Variants in GAB2 observed in about 807,000 individuals in gnomAD.
GAB2 encodes the protein GRB2-associated-binding protein 2.
A neutral mutation model predicts 65.5 loss-of-function variants in GAB2; 26 were observed. The observed-to-expected ratio is 0.40, with a 90% confidence interval of 0.29 to 0.55. GAB2 has a LOEUF of 0.55. Among genes scored for constraint, GAB2 ranks in the 20% least tolerant of loss-of-function variants. The pLI is 0.53. For missense variants in GAB2, 884 were observed against 875.8 expected (o/e 1.01, Z -0.12); for synonymous variants, 321 against 329.6 (o/e 0.97, Z 0.28).
chr11:78,315,607 G>A (rs1291600857), intron 1 of GAB2, among the ~76,000 whole-genome samples: 2 of 152,166 alleles, frequency 1.3e-5, no homozygotes, highest in African/African-American at 4.8e-5. Flanking sequence ...CAATGGATTT[G>A]ACAATGTTTT....
chr11:78,293,207 A>C lies in GAB2; in HGVS notation c.76-12306T>G, dbSNP rs368968929. On this transcript the variant is annotated intron_variant, in intron 1 of 9. Coordinates refer to ENST00000361507, the MANE Select transcript of GAB2 (RefSeq NM_080491.3). The stretch of plus-strand genomic sequence containing the variant: ...AGTTAACTGTATTTGTTCTGGACTC[A>C]TTCATCTGAGAAAGGGCAGATAAGT... 1.5e-4 allele frequency among the ~76,000 whole-genome samples: 23 copies of C among 152,362 alleles called. No individual in the cohort carries two copies. In the East Asian group the frequency reaches 4.0e-3, roughly 27 times the overall value.
chr11:78,292,545 C>G (rs1866710212), intron 1 of GAB2, among the ~76,000 whole-genome samples: 1 of 152,336 alleles, frequency 6.6e-6, no homozygotes, highest in East Asian at 1.9e-4. Flanking sequence ...ACAGGGGAAT[C>G]TGATCTCACT....
intron 1 of GAB2, among the ~76,000 whole-genome samples, chr11:78,329,200 TG>T (rs1855874545): frequency 6.6e-6 from 1 of 152,144 alleles, no homozygotes; most frequent in African/African-American, 2.4e-5. Flanking sequence ...CATTTAAAAA[TG>T]TTAGCAAAAA....
intron 2 of GAB2, among the ~76,000 whole-genome samples, chr11:78,269,875 G>A (rs984744258): frequency 6.6e-6 from 1 of 152,180 alleles, no homozygotes; most frequent in African/African-American, 2.4e-5. Context: ...AGGAGTTCGA[G>A]AAGGTAAAAA....
intron 1 of GAB2, among the ~76,000 whole-genome samples, chr11:78,358,696 A>G (rs1159413875): frequency 2.0e-5 from 3 of 151,974 alleles, no homozygotes; most frequent in Non-Finnish European, 4.4e-5. Flanking sequence ...TCCACAGGTA[A>G]AGTCCTAAGG....
intron 1 of GAB2, among the ~76,000 whole-genome samples, chr11:78,296,609 C>T (rs1200114827): frequency 1.1e-4 from 16 of 152,222 alleles, no homozygotes; most frequent in Non-Finnish European, 1.3e-4. Flanking sequence ...ACAAAGAAGA[C>T]ACTTGTTTAC....
intron 1 of GAB2, among the ~76,000 whole-genome samples, chr11:78,349,732 G>T (rs1211553271): frequency 6.6e-6 from 1 of 151,942 alleles, no homozygotes; most frequent in African/African-American, 2.4e-5. Context: ...TTTCAAAGCA[G>T]CTTGGGAGAG....
At chr11:78,331,356 C>T (rs1364296495) in intron 1 of GAB2, among the ~76,000 whole-genome samples, 3 of 151,560 alleles carry the variant, frequency 2.0e-5, no homozygotes, top group African/African-American at 7.3e-5. Context: ...AGCGATTCCC[C>T]TGCCTCAGCC....
chr11:78,226,858 G>C lies in GAB2; in HGVS notation c.814C>G (p.Leu272Val). Reference sequence around the variant, plus strand: ...CCCTTGGTGTGGCCATGGGAGGCCAGGCTGCGGGGGAGGTCGTAGGTACTG... The same window carrying C: ...CCCTTGGTGTGGCCATGGGAGGCCACGCTGCGGGGGAGGTCGTAGGTACTG... ...RDSTYDLPRS[L>V]ASHGHTKGSL... The change falls in exon 4 of 10, where the codon CTG (leucine) becomes GTG (valine). Residue 272 changes from leucine (L) to valine (V), a missense_variant. By Grantham distance (32) the Leu-to-Val change is conservative (BLOSUM62 1). Coordinates refer to ENST00000361507, the MANE Select transcript of GAB2 (RefSeq NM_080491.3). The C allele has an allele frequency of 6.2e-7, 1 of 1,614,144 alleles. No individual in the cohort carries two copies. The highest frequency in any genetic ancestry group is 8.5e-7 in the Non-Finnish European group (1 of 1,179,972).
In GAB2 at chr11:78,321,548, A is replaced by G. The variant is rs139036067; in HGVS notation, c.76-40647T>C. 3.3e-3 allele frequency among the ~76,000 whole-genome samples: 509 copies of G among 152,324 alleles called. 2 individuals are homozygous for G. Among genetic ancestry groups the G allele is most frequent in the African/African-American group, 0.012 (491 of 41,570 alleles). On this transcript the variant is annotated intron_variant, in intron 1 of 9. Transcript: ENST00000361507. The stretch of plus-strand genomic sequence containing the variant: ...GAGAAATGGTTCCTGTAATTAAGAG[A>G]TGCAGCACAGTTCACACTGCATTTC...
intron 1 of GAB2, among the ~76,000 whole-genome samples, chr11:78,398,714 A>C (rs1591087764): frequency 6.6e-6 from 1 of 152,382 alleles, no homozygotes; most frequent in Non-Finnish European, 1.5e-5. Flanking sequence ...CAGCAATAGC[A>C]ATTAGCACCC....
At chr11:78,246,896 C>T (rs1456401680) in intron 3 of GAB2, among the ~76,000 whole-genome samples, 1 of 152,202 alleles carries the variant, frequency 6.6e-6, no homozygotes, top group Non-Finnish European at 1.5e-5. Flanking sequence ...TCTTTCAGTT[C>T]ACATAGGCTT....
intron 1 of GAB2, among the ~76,000 whole-genome samples, chr11:78,404,416 G>C (rs1338077842): frequency 6.6e-6 from 1 of 152,186 alleles, no homozygotes; most frequent in Admixed American, 6.5e-5. Flanking sequence ...GCCGGGTGGC[G>C]CATGTCTGTA....
At chr11:78,249,846 CTG>C (rs1185999481) in intron 3 of GAB2, among the ~76,000 whole-genome samples, 1 of 136,268 alleles carries the variant, frequency 7.3e-6, no homozygotes, top group African/African-American at 3.1e-5. Context: ...AGTAAATTGA[CTG>C]TTTTTTTTTG....
At chr11:78,227,146 A>G in intron 3 of GAB2, 95 bp from the exon 4 acceptor site, 2 of 800,290 alleles carry the variant, frequency 2.5e-6, no homozygotes, top group Non-Finnish European at 4.1e-6. Context: ...ACTTTGGTTT[A>G]GGCATCTGTA....
chr11:78,383,796 G>A (rs1181818448), intron 1 of GAB2, among the ~76,000 whole-genome samples: 1 of 152,062 alleles, frequency 6.6e-6, no homozygotes, highest in Non-Finnish European at 1.5e-5. Flanking sequence ...CGTCCCAGGA[G>A]TAGTGAGTCA....
chr11:78,399,100 A>T (rs1300846506), intron 1 of GAB2, among the ~76,000 whole-genome samples: 1 of 152,220 alleles, frequency 6.6e-6, no homozygotes, highest in Non-Finnish European at 1.5e-5. Context: ...CAAGTAAATA[A>T]ATAAGAAGCC....
intron 3 of GAB2, among the ~76,000 whole-genome samples, chr11:78,237,560 C>A (rs1385352642): frequency 6.6e-6 from 1 of 151,862 alleles, no homozygotes; most frequent in South Asian, 2.1e-4. Context: ...TACAAGGGGG[C>A]ATGAGGAAAT....
chr11:78,284,101 C>T (rs61238848), intron 1 of GAB2, among the ~76,000 whole-genome samples: 5,874 of 152,224 alleles, frequency 0.039, 348 homozygotes, highest in African/African-American at 0.13. Flanking sequence ...ATCTCATTTA[C>T]CAGCACCTTC....
Sources: gnomAD v4.1 joint callset for allele counts (sites outside exome capture counted in the v4.1 genomes callset) on GRCh38, gnomAD v4.1.1 for gene constraint, MANE v1.5 for transcripts, NCBI Gene and HGNC (gene_info 2026-07-23, HGNC 2026-07-21) for gene names.